The following RAMP3 variants were observed in gnomAD, a reference collection of about 807,000 sequenced individuals.
The protein encoded by RAMP3 is receptor activity-modifying protein 3.
Under a neutral mutation model 13.5 loss-of-function variants are expected in RAMP3, and 14 were observed. That is an observed-to-expected ratio of 1.04 (90% CI 0.69 to 1.63). The LOEUF (loss-of-function observed/expected upper bound fraction) is 1.63. Ranked by LOEUF, RAMP3 falls within the 40% of genes most tolerant of loss-of-function variation. RAMP3 has a pLI of 0.00. For missense variants in RAMP3, 200 were observed against 204.8 expected (o/e 0.98, Z 0.14); for synonymous variants, 106 against 88.3 (o/e 1.20, Z -1.12).
chr7:45,177,378 C>G lies in RAMP3; in HGVS notation c.128C>G (p.Ala43Gly). ...GAGAGGCTGCCCCTGTGTGGGAAGG[C>G]TTTCGCAGACATGATGGGCAAGGTG... ...MLERLPLCGKAFADMMGKVDV... is the reference protein window; with the variant it reads ...MLERLPLCGKGFADMMGKVDV... Residue 43 changes from alanine to glycine, a missense_variant, in exon 2 of 3, where the codon GCT becomes GGT. Coordinates refer to ENST00000242249, the MANE Select transcript of RAMP3 (RefSeq NM_005856.3). 6.2e-7 allele frequency: 1 copy of G among 1,614,136 alleles called. No individual in the cohort carries two copies. The highest frequency in any genetic ancestry group is 8.5e-7 in the Non-Finnish European group (1 of 1,179,974).
At chr7:45,180,778 C>A (rs1197236895) in intron 2 of RAMP3, among the ~76,000 whole-genome samples, 2 of 152,244 alleles carry the variant, frequency 1.3e-5, no homozygotes, top group South Asian at 2.1e-4. Context: ...CGGCTTCCAG[C>A]CTGCTGGGCT....
At chr7:45,178,824 A>T (rs937454787) in intron 2 of RAMP3, among the ~76,000 whole-genome samples, 1 of 152,234 alleles carries the variant, frequency 6.6e-6, no homozygotes, top group Non-Finnish European at 1.5e-5. Context: ...TTGGGAGGAC[A>T]GGAGTGGAGG....
chr7:45,182,564 C>T lies in RAMP3; in HGVS notation c.192-593C>T, dbSNP rs143048069. 2.4e-3 allele frequency among the ~76,000 whole-genome samples: 361 copies of T among 152,282 alleles called. 1 individual carries two copies. The highest frequency in any genetic ancestry group is 8.2e-3 in the African/African-American group (339 of 41,542). On this transcript the variant is annotated intron_variant, in intron 2 of 2. Transcript: ENST00000242249. ...CTTTGATCTCATGGACAGGGGGACC[C>T]ACAGGAGGGGGCTCCACATGTCCTG...
rs924922739 is a variant in RAMP3, at chr7:45,183,607, C to T, written c.*195C>T. On this transcript the variant is annotated 3_prime_UTR_variant, in exon 3 of 3. Transcript: ENST00000242249. ...CTCCCTGGCTGAGGCTCAGGCTATC[C>T]GCCCAAGCTCTTTGCTCATTCTAGG... 2.9e-5 allele frequency: 21 copies of T among 729,604 alleles called. No individual in the cohort carries two copies. Among genetic ancestry groups the T allele is most frequent in the East Asian group, 1.9e-4 (7 of 36,992 alleles). 45.2% of individuals were successfully genotyped at this position (729,604 alleles called of 1,614,324 possible).
intron 1 of RAMP3, among the ~76,000 whole-genome samples, chr7:45,158,798 CAG>C: frequency 6.6e-6 from 1 of 152,270 alleles, no homozygotes; most frequent in East Asian, 1.9e-4. Flanking sequence ...GGACCAAACT[CAG>C]TGGTCATTTT....
At chr7:45,168,819 G>A (rs1786025780) in intron 1 of RAMP3, among the ~76,000 whole-genome samples, 1 of 152,158 alleles carries the variant, frequency 6.6e-6, no homozygotes, top group Non-Finnish European at 1.5e-5. Context: ...ATGTTGAATA[G>A]AAGTGGTGAA....
intron 1 of RAMP3, among the ~76,000 whole-genome samples, chr7:45,160,969 C>T (rs981512467): frequency 2.0e-5 from 3 of 152,230 alleles, no homozygotes; most frequent in African/African-American, 7.2e-5. Context: ...TAGAAATGAG[C>T]TCCCTGGGGA....
chr7:45,178,451 G>A (rs1033109891), intron 2 of RAMP3, among the ~76,000 whole-genome samples: 4 of 152,204 alleles, frequency 2.6e-5, no homozygotes, highest in African/African-American at 9.7e-5. Flanking sequence ...CCTGTCTTCC[G>A]TAGAGACACT....
At chr7:45,160,054 C>T (rs3779392) in intron 1 of RAMP3, among the ~76,000 whole-genome samples, 46,791 of 151,970 alleles carry the variant, frequency 0.31, 9,221 homozygotes, top group African/African-American at 0.56. Context: ...GGTGGCCGGC[C>T]GGGTGCGGTG....
At chr7:45,163,603 G>T (rs1785904520) in intron 1 of RAMP3, 1 of 985,342 alleles carries the variant, frequency 1.0e-6, no homozygotes, top group South Asian at 4.7e-5. Context: ...ATAGGAAGTT[G>T]GGGCCCGATG....
intron 1 of RAMP3, among the ~76,000 whole-genome samples, chr7:45,159,578 G>C (rs898227906): frequency 2.0e-5 from 3 of 152,198 alleles, no homozygotes; most frequent in Non-Finnish European, 4.4e-5. Context: ...GTGGTGCCCA[G>C]CTCTTGACTG....
chr7:45,180,258 A>G (rs949768010), intron 2 of RAMP3, among the ~76,000 whole-genome samples: 4 of 152,250 alleles, frequency 2.6e-5, no homozygotes, highest in African/African-American at 9.6e-5. Context: ...AGCCTGGCCC[A>G]GGTGGAGGGC....
intron 1 of RAMP3, among the ~76,000 whole-genome samples, chr7:45,162,828 C>A (rs1449776096): frequency 1.3e-5 from 2 of 152,140 alleles, no homozygotes; most frequent in Non-Finnish European, 2.9e-5. Context: ...GTGTCAGGGT[C>A]AGGGGCAGAG....
At chr7:45,180,558 G>T (rs553789503) in intron 2 of RAMP3, among the ~76,000 whole-genome samples, 1 of 152,198 alleles carries the variant, frequency 6.6e-6, no homozygotes, top group Admixed American at 6.5e-5. Flanking sequence ...ATTGCCCCTC[G>T]GGGCAACCAG....
chr7:45,175,151 T>C (rs910750948), intron 1 of RAMP3, among the ~76,000 whole-genome samples: 1 of 152,210 alleles, frequency 6.6e-6, no homozygotes, highest in Admixed American at 6.5e-5. Context: ...GGCCTGCAGC[T>C]GTGCTGATGA....
chr7:45,176,531 G>C (rs1338563838), intron 1 of RAMP3, among the ~76,000 whole-genome samples: 1 of 152,110 alleles, frequency 6.6e-6, no homozygotes, highest in African/African-American at 2.4e-5. Context: ...GGTGAGGGAA[G>C]TTTAGGAGCA....
chr7:45,175,432 G>A (rs1180484640), intron 1 of RAMP3, among the ~76,000 whole-genome samples: 3 of 152,194 alleles, frequency 2.0e-5, no homozygotes, highest in African/African-American at 7.2e-5. Flanking sequence ...TGGACAGAAG[G>A]GGAGATGTGA....
intron 1 of RAMP3, among the ~76,000 whole-genome samples, chr7:45,167,667 G>T (rs1431957150): frequency 2.0e-5 from 3 of 151,496 alleles, no homozygotes; most frequent in African/African-American, 7.3e-5. Flanking sequence ...GGGTTCAAGC[G>T]ATTCTCCTGC....
At chr7:45,164,877 A>G (rs544669004) in intron 1 of RAMP3, among the ~76,000 whole-genome samples, 2 of 152,180 alleles carry the variant, frequency 1.3e-5, no homozygotes, top group Non-Finnish European at 2.9e-5. Flanking sequence ...TTGGCAGCCT[A>G]CTGTTGGACC....
Sources: allele counts gnomAD v4.1 joint callset (sites outside exome capture counted in the v4.1 genomes callset), GRCh38; gene constraint gnomAD v4.1.1; transcripts MANE v1.5; gene names NCBI Gene and HGNC (gene_info 2026-07-23, HGNC 2026-07-21).